The following ERCC5 variants were observed in gnomAD, a reference collection of about 807,000 sequenced individuals.
ERCC5 encodes the protein ERCC excision repair 5, endonuclease.
In ERCC5, 68 loss-of-function variants were observed where a neutral mutation model predicts 105.6. The observed-to-expected ratio is 0.64, with a 90% CI of 0.53 to 0.79. ERCC5 has a LOEUF of 0.79. Among genes scored for constraint, ERCC5 ranks in the 30% least tolerant of loss-of-function variants. The pLI is 0.00. For synonymous variants in ERCC5, 546 were observed against 526.2 expected, an observed-to-expected ratio of 1.04 and a Z score of -0.51; for missense variants, 1,373 against 1,426.7, an observed-to-expected ratio of 0.96 and a Z score of 0.61.
At chr13:102,849,192 G>C in intron 1 of ERCC5, 1 of 518,978 alleles carries the variant, frequency 1.9e-6, no homozygotes, top group Non-Finnish European at 3.8e-6. Context: ...CTACCTCTGA[G>C]ATGTATCTTT....
Position 102,846,062 on chromosome 13 carries a change from G to A in ERCC5, c.-205G>A. On this transcript the variant is annotated 5_prime_UTR_variant, in exon 1 of 15. The change creates a new upstream start codon in the 5' untranslated region. Transcript: ENST00000652225. ...GGGAGGCGGTGACAGCTGCTGAGAC[G>A]TGTTGCAGCCAGAGTCTCTCCGCTT... is the stretch of plus-strand genomic sequence containing the variant. 1.7e-6 allele frequency: 1 copy of A among 587,462 alleles called. No homozygotes were observed. The highest frequency in any genetic ancestry group is 3.0e-6 in the Non-Finnish European group (1 of 329,112). The allele number at this position is 587,462 out of a possible 1,614,324, so 36.4% of individuals were successfully genotyped here. A position where few individuals can be genotyped will look rare whatever the true frequency, so the allele number is the denominator to read the frequency against.
intron 1 of ERCC5, among the ~76,000 whole-genome samples, chr13:102,847,067 C>A (rs7325496): frequency 0.75 from 114,139 of 152,080 alleles, 42,980 homozygotes; most frequent in Non-Finnish European, 0.78. Context: ...GTAAGGAGAG[C>A]AGAGTAGACT....
chr13:102,866,014 A>T (rs1284503191), intron 9 of ERCC5, 103 bp downstream of exon 9: 2 of 1,602,986 alleles, frequency 1.2e-6, no homozygotes, highest in African/African-American at 1.3e-5. Flanking sequence ...AGCTATTTGC[A>T]GTACATCTTG....
chr13:102,875,577 A>C lies in ERCC5; in HGVS notation c.3235A>C (p.Lys1079Gln). 6.2e-7 allele frequency: 1 copy of C among 1,612,904 alleles called. No homozygotes were observed. The highest frequency in any genetic ancestry group is 8.5e-7 in the Non-Finnish European group (1 of 1,179,500). Reference protein sequence around the residue: ...SLKRKRLSDSKGKNTCGGFLG... With the variant: ...SLKRKRLSDSQGKNTCGGFLG... ...GAAAAGAAAGAGGCTTTCAGATTCT[A>C]AAGGAAAGAATACATGCGGTGGATT... Residue 1079 changes from lysine (K) to glutamine (Q), a missense_variant, in exon 15 of 15, where the codon AAA (lysine) becomes CAA (glutamine). Around this residue, in one of 3 missense-constraint regions of ERCC5, gnomAD observed 367 missense variants for 350.2 expected, o/e 1.05. Transcript: ENST00000652225.
At chr13:102,871,448 G>A (rs867174942) in intron 12 of ERCC5, among the ~76,000 whole-genome samples, 1 of 152,120 alleles carries the variant, frequency 6.6e-6, no homozygotes, top group Non-Finnish European at 1.5e-5. Context: ...GTGTGCTCAC[G>A]TAGAATATTG....
At position 102,852,128 on chromosome 13, in the gene ERCC5, T is replaced by A; in HGVS notation, c.99T>A (p.Ile33=). 1 of 1,614,070 alleles carries A rather than the reference T, an allele frequency of 6.2e-7. No individual in the cohort carries two copies. The highest frequency in any genetic ancestry group is 1.1e-5 in the South Asian group (1 of 91,056). The change falls in exon 2 of 15, where the codon ATT becomes ATA. Residue 33 remains isoleucine, a synonymous_variant. Transcript: ENST00000652225. ...EGKILAVDIS[I]WLNQALKGVR... is the part of the protein sequence containing the mutation. ...TAACAATTCTCCCAGATATTAGCAT[T>A]TGGTTAAACCAAGCACTTAAAGGAG...
chr13:102,873,390 T>A (rs1442423063), intron 14 of ERCC5, 47 bp downstream of exon 14: 3 of 1,608,504 alleles, frequency 1.9e-6, no homozygotes. Flanking sequence ...AAGGGTAGGC[T>A]GTGGTTGACA....
At chr13:102,871,977 G>A (rs1242538372) in intron 12 of ERCC5, among the ~76,000 whole-genome samples, 1 of 152,148 alleles carries the variant, frequency 6.6e-6, no homozygotes, top group Non-Finnish European at 1.5e-5. Context: ...TTGGGCATGT[G>A]AAATATTTAA....
At chr13:102,864,502 A>T (rs1179955864) in intron 8 of ERCC5, among the ~76,000 whole-genome samples, 2 of 152,134 alleles carry the variant, frequency 1.3e-5, no homozygotes, top group Non-Finnish European at 2.9e-5. Flanking sequence ...ATAATCCAAT[A>T]CTGTCATAAT....
chr13:102,852,005 A>G (rs1271393014), intron 1 of ERCC5, 113 bp from the exon 2 acceptor site: 1 of 1,225,874 alleles, frequency 8.2e-7, no homozygotes. Context: ...TTTTAAATGA[A>G]TAGTGATAAG....
rs1288574902 is a variant in ERCC5 at position 102,865,897 on chromosome 13, C to T, written c.2185C>T (p.Gln729Ter). 2 of 1,614,146 alleles carry T rather than the reference C, an allele frequency of 1.2e-6. No homozygotes were observed. The highest frequency in any genetic ancestry group is 1.7e-5 in the Admixed American group (1 of 60,016). The change falls in exon 9 of 15, where the codon CAA becomes TAA. Residue 729 changes from glutamine (Q) to a stop codon, truncating the protein, a stop_gained. Transcript: ENST00000652225. LOFTEE classifies it high-confidence loss of function. The surrounding 1 kb of genome is among the most constrained non-coding windows in gnomAD (Gnocchi z 4.0). ...TGCGGAAGATTCGCTCCATGAATGG[C>T]AAGATATTAATTTGGTAATACCGTA... ...KDAEDSLHEWQDINLEELETL... is the reference protein window; with the variant it reads ...KDAEDSLHEW
At position 102,858,437 on chromosome 13, in the gene ERCC5, C is replaced by A; in HGVS notation, c.672+19C>A. The A allele has an allele frequency of 6.2e-7, 1 of 1,614,030 alleles. No homozygotes were observed. The highest frequency in any genetic ancestry group is 8.5e-7 in the Non-Finnish European group (1 of 1,179,952). ...GCCAGAGGTGAAATATGCAACAGTA[C>A]ATTCATGCTTAGAATTAAGAACTTC... On this transcript the variant is annotated intron_variant, in intron 6 of 14. Coordinates refer to ENST00000652225, the MANE Select transcript of ERCC5 (RefSeq NM_000123.4).
chr13:102,850,747 G>C (rs1434678752), intron 1 of ERCC5, among the ~76,000 whole-genome samples: 1 of 152,090 alleles, frequency 6.6e-6, no homozygotes, highest in Non-Finnish European at 1.5e-5. Context: ...TGAGGTATGG[G>C]GTAGAGACGT....
Position 102,865,803 on chromosome 13 carries a change from C to T in ERCC5, c.2091C>T (p.Ser697=), listed in dbSNP as rs564948815. Residue 697 remains serine (S), a synonymous_variant, in exon 9 of 15, where the codon TCC becomes TCT. Coordinates refer to ENST00000652225, the MANE Select transcript of ERCC5 (RefSeq NM_000123.4). The surrounding 1 kb of genome is among the most constrained non-coding windows in gnomAD (Gnocchi z 4.0). ...GGGAGGGAGAAGCCCCTGCTGAGTC[C>T]GAGAGCCTCCTGAGGGACAACTCTG... ...GTREGEAPAE[S]ESLLRDNSER... The T allele has an allele frequency of 2.6e-5, 42 of 1,614,102 alleles. 1 individual carries two copies. The highest frequency in any genetic ancestry group is 1.1e-4 in the African/African-American group (8 of 75,004).
chr13:102,849,380 C>T (rs1308243088), intron 1 of ERCC5: 2 of 518,874 alleles, frequency 3.9e-6, no homozygotes, highest in Non-Finnish European at 7.7e-6. Context: ...TCCTTTTGTC[C>T]TGCTGCACTG....
In ERCC5 at chr13:102,862,773, G is replaced by A. The variant is rs1408852027; in HGVS notation, c.1624G>A (p.Val542Met). The change falls in exon 8 of 15, where the codon GTG becomes ATG. Residue 542 changes from valine to methionine, a missense_variant. Val to Met is a conservative substitution (Grantham distance 21). Coordinates refer to ENST00000652225, the MANE Select transcript of ERCC5 (RefSeq NM_000123.4). ...GTCAAAGAATGAAACACATGCTGAA[G>A]TGCTTGAGCAGCAGAACGAACTTTG... ...SVSKNETHAE[V>M]LEQQNELCPY... 2 of 1,614,126 alleles carry A rather than the reference G, an allele frequency of 1.2e-6. No homozygotes were observed. Among genetic ancestry groups the A allele is most frequent in the Non-Finnish European group, 1.7e-6 (2 of 1,180,046 alleles).
intron 12 of ERCC5, among the ~76,000 whole-genome samples, chr13:102,871,709 A>G (rs887142335): frequency 6.6e-6 from 1 of 152,100 alleles, no homozygotes; most frequent in African/African-American, 2.4e-5. Flanking sequence ...TTCTTGGCAT[A>G]TTTACATTTT....
chr13:102,849,502 T>C, intron 1 of ERCC5: 2 of 500,448 alleles, frequency 4.0e-6, no homozygotes, highest in Admixed American at 4.1e-5. Flanking sequence ...ATTATAGAAA[T>C]AAGCATAGCA....
intron 1 of ERCC5, among the ~76,000 whole-genome samples, chr13:102,846,673 G>T (rs1736390349): frequency 6.6e-6 from 1 of 152,228 alleles, no homozygotes; most frequent in African/African-American, 2.4e-5. Context: ...AATGCCGAAT[G>T]CAATGTAAGT....
Sources: allele counts gnomAD v4.1 joint callset (sites outside exome capture counted in the v4.1 genomes callset), GRCh38; gene constraint gnomAD v4.1.1; regional missense constraint gnomAD v4.1.1; non-coding constraint Gnocchi (gnomAD v3.1); transcripts MANE v1.5; gene names NCBI Gene and HGNC (gene_info 2026-07-23, HGNC 2026-07-21).